NEGR1: variants seen among roughly 807,000 people sequenced by gnomAD.
NEGR1 encodes neuronal growth regulator 1.
Under a neutral mutation model 40.9 loss-of-function variants are expected in NEGR1, and 10 were observed. The observed-to-expected ratio is 0.24, with a 90% confidence interval of 0.15 to 0.42. NEGR1 has a LOEUF of 0.42. Ranked by LOEUF, NEGR1 falls within the 10% of genes least tolerant of loss-of-function variation. The probability of loss-of-function intolerance (pLI) is 1.00; values close to 1 mark genes in which losing one functional copy is unlikely to be tolerated. For missense variants in NEGR1, 352 were observed against 438.9 expected (o/e 0.80, Z 1.77); for synonymous variants, 185 against 166.8 (o/e 1.11, Z -0.84).
At chr1:72,052,075 C>T (rs988170040) in intron 1 of NEGR1, among the ~76,000 whole-genome samples, 10 of 151,228 alleles carry the variant, frequency 6.6e-5, no homozygotes, top group African/African-American at 2.4e-4. Context: ...CAGATAGAAC[C>T]CTGTGACACT....
At chr1:71,594,976 G>A (rs772919326) in intron 5 of NEGR1, among the ~76,000 whole-genome samples, 2 of 152,162 alleles carry the variant, frequency 1.3e-5, no homozygotes, top group Non-Finnish European at 2.9e-5. Context: ...CCTTCAACTG[G>A]CTAGACCCAG....
chr1:72,055,549 A>G (rs1291869428), intron 1 of NEGR1, among the ~76,000 whole-genome samples: 1 of 151,088 alleles, frequency 6.6e-6, no homozygotes, highest in Non-Finnish European at 1.5e-5. Context: ...ACACGCAGGT[A>G]CATAGATTAT....
At chr1:72,034,739 T>C (rs1306423417) in intron 1 of NEGR1, among the ~76,000 whole-genome samples, 1 of 152,178 alleles carries the variant, frequency 6.6e-6, no homozygotes, top group Non-Finnish European at 1.5e-5. Flanking sequence ...TTACGAATGA[T>C]TTTCACAACA....
chr1:72,188,626 T>C lies in NEGR1; in HGVS notation c.176+93693A>G, dbSNP rs142285189. On this transcript the variant is annotated intron_variant, in intron 1 of 6. Coordinates refer to ENST00000357731, the MANE Select transcript of NEGR1 (RefSeq NM_173808.3). ...TATTATTACTCATCCTAGGAGATAT[T>C]TGTAAATTGTATACTGTTTGCAATT... 4.2e-4 allele frequency among the ~76,000 whole-genome samples: 64 copies of C among 151,576 alleles called. No homozygotes were observed. The East Asian group carries it at 8.7e-3, about 21-fold the overall frequency.
intron 4 of NEGR1, among the ~76,000 whole-genome samples, chr1:71,680,885 G>A (rs1652817060): frequency 1.3e-5 from 2 of 152,150 alleles, no homozygotes; most frequent in South Asian, 2.1e-4. Context: ...AGAAGTTTAT[G>A]TTTTAGGAGT....
intron 2 of NEGR1, among the ~76,000 whole-genome samples, chr1:71,791,176 T>C (rs1259973265): frequency 1.3e-5 from 2 of 152,118 alleles, no homozygotes; most frequent in African/African-American, 4.8e-5. Context: ...TTGTGGAAGG[T>C]AAATGTTGGA....
intron 2 of NEGR1, chr1:71,798,310 C>G (rs143058805): frequency 6.6e-6 from 1 of 151,662 alleles, no homozygotes; most frequent in African/African-American, 2.4e-5. Context: ...AGAAAGTTCA[C>G]GGTGAATATC....
chr1:71,949,018 G>A (rs940739142), intron 1 of NEGR1, among the ~76,000 whole-genome samples: 23 of 152,016 alleles, frequency 1.5e-4, no homozygotes, highest in African/African-American at 5.1e-4. Context: ...TGGAATCTGG[G>A]GGAAATACTG....
intron 1 of NEGR1, among the ~76,000 whole-genome samples, chr1:71,951,368 C>G (rs1324164515): frequency 6.6e-6 from 1 of 151,788 alleles, no homozygotes; most frequent in Admixed American, 6.6e-5. Flanking sequence ...CTGTAACAGG[C>G]AAATCATAAC....
intron 6 of NEGR1, among the ~76,000 whole-genome samples, chr1:71,483,300 TTTACTC>T (rs1248704216): frequency 5.3e-5 from 8 of 151,810 alleles, no homozygotes; most frequent in Non-Finnish European, 7.4e-5. Context: ...TGTAGACTGT[TTTACTC>T]TAAGTGAAAG....
chr1:71,767,137 T>G (rs1282924700), intron 3 of NEGR1, among the ~76,000 whole-genome samples: 1 of 152,002 alleles, frequency 6.6e-6, no homozygotes, highest in Non-Finnish European at 1.5e-5. Flanking sequence ...TACCTGAAAA[T>G]GTAGAATTGC....
intron 4 of NEGR1, among the ~76,000 whole-genome samples, chr1:71,638,801 C>A (rs1213393102): frequency 6.6e-6 from 1 of 151,788 alleles, no homozygotes; most frequent in Non-Finnish European, 1.5e-5. Flanking sequence ...ATAAGGTTAC[C>A]CATGTGTCCG....
intron 1 of NEGR1, among the ~76,000 whole-genome samples, chr1:72,051,166 G>T (rs927478519): frequency 1.3e-5 from 2 of 151,380 alleles, no homozygotes; most frequent in African/African-American, 4.8e-5. Flanking sequence ...GTAAATTTCA[G>T]AGACATATAA....
intron 6 of NEGR1, among the ~76,000 whole-genome samples, chr1:71,591,905 A>G (rs1649513220): frequency 6.6e-6 from 1 of 152,100 alleles, no homozygotes; most frequent in Non-Finnish European, 1.5e-5. Context: ...ATGATGAACT[A>G]TACAATATTT....
At chr1:71,713,727 C>T (rs567757168) in intron 3 of NEGR1, among the ~76,000 whole-genome samples, 2 of 152,196 alleles carry the variant, frequency 1.3e-5, no homozygotes, top group Non-Finnish European at 2.9e-5. Flanking sequence ...ATTGTCACAC[C>T]ACCTTGACAA....
intron 1 of NEGR1, among the ~76,000 whole-genome samples, chr1:72,192,523 A>T (rs1652854526): frequency 6.6e-6 from 1 of 151,906 alleles, no homozygotes; most frequent in African/African-American, 2.4e-5. Context: ...AGGTAATGAT[A>T]GTGCTAATTG....
chr1:71,784,193 G>C (rs1656823471), intron 2 of NEGR1, among the ~76,000 whole-genome samples: 1 of 152,124 alleles, frequency 6.6e-6, no homozygotes, highest in African/African-American at 2.4e-5. Context: ...TCTGGGATGG[G>C]AGAAAGGTTG....
chr1:71,934,187 G>A (rs533702907), intron 2 of NEGR1, among the ~76,000 whole-genome samples: 2 of 151,956 alleles, frequency 1.3e-5, no homozygotes, highest in African/African-American at 4.8e-5. Flanking sequence ...ACCAACACAC[G>A]ATTAATTTAT....
intron 6 of NEGR1, among the ~76,000 whole-genome samples, chr1:71,469,295 A>T (rs766150437): frequency 2.6e-5 from 4 of 152,068 alleles, no homozygotes; most frequent in African/African-American, 7.2e-5. Flanking sequence ...CCATTAAGAT[A>T]ATTTGGTTGT....
Sources: gnomAD v4.1 joint callset for allele counts (sites outside exome capture counted in the v4.1 genomes callset) on GRCh38, gnomAD v4.1.1 for gene constraint, MANE v1.5 for transcripts, NCBI Gene and HGNC (gene_info 2026-07-23, HGNC 2026-07-21) for gene names.